The following SPTLC3 variants were observed in gnomAD, a reference collection of about 807,000 sequenced individuals.
The protein encoded by SPTLC3 is serine palmitoyltransferase 3.
SPTLC3 carries 36 observed loss-of-function variants against 59.3 expected under a neutral mutation model. That is an observed-to-expected ratio of 0.61 (90% CI 0.47 to 0.80). The LOEUF is 0.80. SPTLC3 is among the 30% of genes least tolerant of loss of function. SPTLC3 has a pLI of 0.00. For synonymous variants in SPTLC3, 257 were observed against 240.8 expected (o/e 1.07, Z -0.62); for missense variants, 625 against 685.1 (o/e 0.91, Z 0.98).
chr20:13,148,568 CTA>C (rs2038570610), intron 9 of SPTLC3, among the ~76,000 whole-genome samples: 1 of 152,184 alleles, frequency 6.6e-6, no homozygotes, highest in Non-Finnish European at 1.5e-5. Context: ...AAACAAGAGG[CTA>C]CCACATATGC....
intron 9 of SPTLC3, among the ~76,000 whole-genome samples, chr20:13,134,368 T>G (rs1018679911): frequency 2.6e-5 from 4 of 152,208 alleles, no homozygotes; most frequent in South Asian, 4.1e-4. Context: ...TCTGCAGGCA[T>G]GTCTAATTTT....
chr20:13,109,433 T>C (rs1045962089), intron 6 of SPTLC3, among the ~76,000 whole-genome samples: 2 of 152,336 alleles, frequency 1.3e-5, no homozygotes, highest in Non-Finnish European at 2.9e-5. Flanking sequence ...TGTCTCAGTT[T>C]CCTGAACCAC....
chr20:13,057,972 T>G (rs1162577877), intron 2 of SPTLC3, among the ~76,000 whole-genome samples: 1 of 152,188 alleles, frequency 6.6e-6, no homozygotes, highest in African/African-American at 2.4e-5. Flanking sequence ...ATTTCTCAAG[T>G]CGCTATGGTC....
chr20:13,107,516 T>C (rs1989970931), intron 6 of SPTLC3, among the ~76,000 whole-genome samples: 1 of 152,110 alleles, frequency 6.6e-6, no homozygotes, highest in Non-Finnish European at 1.5e-5. Context: ...CTCTGTAAAT[T>C]TGTCAATTAG....
intron 1 of SPTLC3, among the ~76,000 whole-genome samples, chr20:13,033,954 A>G (rs1476253415): frequency 1.3e-5 from 2 of 152,094 alleles, no homozygotes; most frequent in Admixed American, 6.6e-5. Flanking sequence ...ACAGTTGGGA[A>G]GAAACAGAAG....
intron 1 of SPTLC3, among the ~76,000 whole-genome samples, chr20:13,046,232 C>A (rs1205538718): frequency 2.6e-5 from 4 of 152,158 alleles, no homozygotes; most frequent in African/African-American, 9.7e-5. Flanking sequence ...CACCTTCAAC[C>A]ATGACTTAAA....
At chr20:13,122,030 T>C (rs6074560) in intron 8 of SPTLC3, among the ~76,000 whole-genome samples, 46,943 of 151,988 alleles carry the variant, frequency 0.31, 7,336 homozygotes, top group Admixed American at 0.34. Context: ...TCAGTGATGG[T>C]CCCCAAGCTA....
chr20:13,106,758 G>A (rs1207347042), intron 6 of SPTLC3, among the ~76,000 whole-genome samples: 1 of 152,204 alleles, frequency 6.6e-6, no homozygotes, highest in Non-Finnish European at 1.5e-5. Context: ...CTGAGACCAG[G>A]GGGCTAGCCT....
At chr20:13,124,375 A>G (rs1379753947) in intron 8 of SPTLC3, among the ~76,000 whole-genome samples, 1 of 151,832 alleles carries the variant, frequency 6.6e-6, no homozygotes, top group East Asian at 1.9e-4. Context: ...GGGAGGGAGG[A>G]AGGAAGGAAG....
chr20:13,044,103 T>C (rs994192459), intron 1 of SPTLC3, among the ~76,000 whole-genome samples: 3 of 137,750 alleles, frequency 2.2e-5, no homozygotes, highest in Admixed American at 7.4e-5. Context: ...TTCTTTTTTT[T>C]CTTTTTTTTT....
intron 4 of SPTLC3, among the ~76,000 whole-genome samples, chr20:13,082,531 T>C (rs777500718): frequency 2.0e-5 from 3 of 151,306 alleles, no homozygotes; most frequent in Non-Finnish European, 4.4e-5. Context: ...AAATCTTTGT[T>C]GGATCACAGC....
At chr20:13,049,251 A>T (rs761127184) in intron 2 of SPTLC3, 121 bp downstream of exon 2, 14 of 1,113,704 alleles carry the variant, frequency 1.3e-5, no homozygotes, top group Admixed American at 1.9e-5. Flanking sequence ...TATTCAGGGC[A>T]AATTTCATTC....
At chr20:13,020,518 AC>A (rs1276800176) in intron 1 of SPTLC3, among the ~76,000 whole-genome samples, 4 of 151,876 alleles carry the variant, frequency 2.6e-5, no homozygotes, top group African/African-American at 9.7e-5. Flanking sequence ...ACAGAGTGAG[AC>A]CCTTTCTCTA....
chr20:13,035,290 T>C (rs1986684623), intron 1 of SPTLC3, among the ~76,000 whole-genome samples: 2 of 152,184 alleles, frequency 1.3e-5, no homozygotes, highest in African/African-American at 4.8e-5. Flanking sequence ...TGCTGGAGTT[T>C]TGATGCTGTC....
At chr20:13,159,529 C>T (rs1461018269) in intron 10 of SPTLC3, among the ~76,000 whole-genome samples, 1 of 152,138 alleles carries the variant, frequency 6.6e-6, no homozygotes, top group African/African-American at 2.4e-5. Context: ...TAAGTATAGG[C>T]TCATTGAAAT....
Position 13,097,141 on chromosome 20 carries a change from G to C in SPTLC3, c.826+3564G>C, listed in dbSNP as rs539164038. 5.3e-5 allele frequency among the ~76,000 whole-genome samples: 8 copies of C among 152,210 alleles called. No homozygotes were observed. In the South Asian group the frequency reaches 1.7e-3, roughly 31 times the overall value. ...GTAGAAAACATTATGGAAAAATGAA[G>C]AGTCTATTTCTCCTTGGGAATTGCA... On this transcript the variant is annotated intron_variant, in intron 6 of 11. Transcript: ENST00000399002.
At chr20:13,025,056 A>T (rs1263582508) in intron 1 of SPTLC3, among the ~76,000 whole-genome samples, 3 of 152,008 alleles carry the variant, frequency 2.0e-5, no homozygotes, top group Non-Finnish European at 4.4e-5. Context: ...AAGCAAAGGC[A>T]CTCCTTTCCT....
At chr20:13,071,867 T>C (rs1311151557) in intron 2 of SPTLC3, among the ~76,000 whole-genome samples, 1 of 152,220 alleles carries the variant, frequency 6.6e-6, no homozygotes, top group African/African-American at 2.4e-5. Context: ...TCCCCACTTC[T>C]AATCACACGG....
At chr20:13,049,816 T>C (rs1223921578) in intron 2 of SPTLC3, 1 of 152,022 alleles carries the variant, frequency 6.6e-6, no homozygotes, top group African/African-American at 2.4e-5. Context: ...TGGAGCCGGG[T>C]AGACTCGGTG....
Sources: allele counts gnomAD v4.1 joint callset (sites outside exome capture counted in the v4.1 genomes callset), GRCh38; gene constraint gnomAD v4.1.1; transcripts MANE v1.5; gene names NCBI Gene and HGNC (gene_info 2026-07-23, HGNC 2026-07-21).